The following TENM3 variants were observed in gnomAD, a reference collection of about 807,000 sequenced individuals.
TENM3 encodes the protein teneurin-3.
Under a neutral mutation model 255.1 loss-of-function variants are expected in TENM3, and 63 were observed. The ratio of observed to expected loss-of-function variants is 0.25; its 90% CI spans 0.20 to 0.30. The LOEUF is 0.30. Among genes scored for constraint, TENM3 ranks in the 10% least tolerant of loss-of-function variants. The pLI, the probability that TENM3 is intolerant of heterozygous loss-of-function variation, is 1.00. For synonymous variants in TENM3, 1,306 were observed against 1,322.3 expected, an observed-to-expected ratio of 0.99 and a Z score of 0.27; for missense variants, 2,929 against 3,461.1, an observed-to-expected ratio of 0.85 and a Z score of 3.86.
chr4:182,671,224 T>C (rs549300975), intron 6 of TENM3, among the ~76,000 whole-genome samples: 33 of 152,298 alleles, frequency 2.2e-4, no homozygotes, highest in African/African-American at 7.5e-4. Flanking sequence ...CCCCATTTTC[T>C]AAATGAGGTT....
At chr4:182,767,497 G>C (rs894043932) in intron 22 of TENM3, among the ~76,000 whole-genome samples, 1 of 152,106 alleles carries the variant, frequency 6.6e-6, no homozygotes, top group Non-Finnish European at 1.5e-5. Flanking sequence ...GTTGTTGGCC[G>C]TTAAACTATG....
intron 1 of TENM3, among the ~76,000 whole-genome samples, chr4:182,311,988 T>C (rs1282616268): frequency 2.6e-5 from 4 of 152,222 alleles, no homozygotes; most frequent in Non-Finnish European, 2.9e-5. Context: ...GTCTTACCGT[T>C]TGGCAACTTT....
the TENM3 span, among the ~76,000 whole-genome samples, chr4:181,862,875 C>T: frequency 6.6e-6 from 1 of 152,056 alleles, no homozygotes; most frequent in Admixed American, 6.6e-5. Context: ...ATAAAATAGT[C>T]TATCCCATAA....
At chr4:181,541,123 C>T in the TENM3 span, among the ~76,000 whole-genome samples, 1 of 152,212 alleles carries the variant, frequency 6.6e-6, no homozygotes, top group Non-Finnish European at 1.5e-5. Context: ...CCTGTAATCC[C>T]AACATTTTGG....
chr4:181,951,345 G>A, the TENM3 span, among the ~76,000 whole-genome samples: 2 of 152,144 alleles, frequency 1.3e-5, no homozygotes, highest in African/African-American at 4.8e-5. Flanking sequence ...AAAGAGAAAA[G>A]AACCAATGTC....
chr4:182,688,449 T>C, intron 12 of TENM3, 98 bp downstream of exon 12: 1 of 937,060 alleles, frequency 1.1e-6, no homozygotes, highest in Non-Finnish European at 1.5e-6. Context: ...TTCTTTACGT[T>C]ATTTTTTACT....
At chr4:182,549,782 G>A (rs1741823195) in intron 3 of TENM3, among the ~76,000 whole-genome samples, 1 of 152,154 alleles carries the variant, frequency 6.6e-6, no homozygotes, top group Non-Finnish European at 1.5e-5. Context: ...TGTCAAGTAG[G>A]GCTAAAAACA....
chr4:182,083,748 G>A, the TENM3 span, among the ~76,000 whole-genome samples: 1 of 152,012 alleles, frequency 6.6e-6, no homozygotes, highest in African/African-American at 2.4e-5. Context: ...TAATATACAG[G>A]GCAGGGTATT....
chr4:182,619,918 C>T (rs1328571041), intron 4 of TENM3, among the ~76,000 whole-genome samples: 5 of 152,162 alleles, frequency 3.3e-5, no homozygotes, highest in East Asian at 1.9e-4. Context: ...GAAGCCGCCG[C>T]GGCTGCTGCT....
At chr4:181,873,382 T>G in the TENM3 span, among the ~76,000 whole-genome samples, 1 of 152,318 alleles carries the variant, frequency 6.6e-6, no homozygotes, top group Admixed American at 6.5e-5. Flanking sequence ...TATAAGTATT[T>G]TAATGCTACC....
At chr4:182,332,554 C>T (rs1355208897) in intron 2 of TENM3, among the ~76,000 whole-genome samples, 1 of 151,848 alleles carries the variant, frequency 6.6e-6, no homozygotes, top group Non-Finnish European at 1.5e-5. Flanking sequence ...ACTAGCTGGG[C>T]GTGGTGGTGG....
At chr4:182,510,287 T>C (rs1438652497) in intron 3 of TENM3, among the ~76,000 whole-genome samples, 1 of 152,200 alleles carries the variant, frequency 6.6e-6, no homozygotes, top group Non-Finnish European at 1.5e-5. Context: ...CCATCAGTAC[T>C]ACCTGTTTTC....
At chr4:182,363,053 G>A (rs757752677) in intron 3 of TENM3, among the ~76,000 whole-genome samples, 11 of 152,236 alleles carry the variant, frequency 7.2e-5, no homozygotes, top group Middle Eastern at 3.4e-3. Context: ...GGAACTGAGC[G>A]ACCATGTCAT....
the TENM3 span, among the ~76,000 whole-genome samples, chr4:181,818,830 T>G: frequency 6.6e-6 from 1 of 152,162 alleles, no homozygotes; most frequent in Non-Finnish European, 1.5e-5. Context: ...CTCAAACTCC[T>G]GACCTCGGGT....
chr4:182,519,221 A>G (rs1738310446), intron 3 of TENM3, among the ~76,000 whole-genome samples: 1 of 152,214 alleles, frequency 6.6e-6, no homozygotes. Flanking sequence ...TCCATGCTAA[A>G]ATTAATATTT....
At chr4:181,825,445 A>G in the TENM3 span, among the ~76,000 whole-genome samples, 2 of 150,500 alleles carry the variant, frequency 1.3e-5, no homozygotes, top group Non-Finnish European at 3.0e-5. Flanking sequence ...AGTTGACATT[A>G]ATATTTTTTC....
At chr4:181,466,015 G>T in the TENM3 span, among the ~76,000 whole-genome samples, 2 of 152,068 alleles carry the variant, frequency 1.3e-5, no homozygotes, top group African/African-American at 4.8e-5. Flanking sequence ...CCGCCTACAT[G>T]CCATAGCTAA....
chr4:181,623,101 A>G, the TENM3 span, among the ~76,000 whole-genome samples: 1 of 152,150 alleles, frequency 6.6e-6, no homozygotes, highest in South Asian at 2.1e-4. Flanking sequence ...TTAAAAAAAA[A>G]CTTTTTGGAT....
intron 5 of TENM3, among the ~76,000 whole-genome samples, chr4:182,632,858 CTG>C (rs200888434): frequency 0.02 from 3,097 of 152,142 alleles, 46 homozygotes; most frequent in South Asian, 0.04. Context: ...GGTTCTCACT[CTG>C]TTTTTTTCTT....
Sources: allele counts gnomAD v4.1 joint callset (sites outside exome capture counted in the v4.1 genomes callset), GRCh38; gene constraint gnomAD v4.1.1; transcripts MANE v1.5; gene names NCBI Gene and HGNC (gene_info 2026-07-23, HGNC 2026-07-21).